Variants in ROR1 observed in about 807,000 individuals in gnomAD.
ROR1 encodes inactive tyrosine-protein kinase transmembrane receptor ROR1.
ROR1 carries 19 observed loss-of-function variants against 78.8 expected under a neutral mutation model. That is an observed-to-expected ratio of 0.24 (90% confidence interval 0.17 to 0.35). The LOEUF (loss-of-function observed/expected upper bound fraction) is 0.35. Ranked by LOEUF, ROR1 falls within the 10% of genes least tolerant of loss-of-function variation. The pLI is 1.00. For missense variants in ROR1, 917 were observed against 1,177.8 expected, an observed-to-expected ratio of 0.78 and a Z score of 3.24; for synonymous variants, 386 against 433.6, an observed-to-expected ratio of 0.89 and a Z score of 1.36.
rs1444918893 is a variant in ROR1 at position 64,178,197 on chromosome 1, C to A, written c.2156C>A (p.Pro719His). 6.2e-7 allele frequency: 1 copy of A among 1,614,156 alleles called. No homozygotes were observed. The highest frequency in any genetic ancestry group is 1.3e-5 in the African/African-American group (1 of 75,034). The change falls in exon 9 of 9, where the codon CCC (proline) becomes CAC (histidine). Residue 719 changes from proline to histidine, a missense_variant. Transcript: ENST00000371079. This position sits in a 1 kb window ranked among gnomAD's most constrained non-coding sequence, Gnocchi z 4.3. ...QLLPCSEDCP[P>H]RMYSLMTECW... Reference sequence around the variant, plus strand: ...TTACCATGCTCTGAAGACTGCCCACCCAGAATGTACAGCCTCATGACAGAG... The same window carrying A: ...TTACCATGCTCTGAAGACTGCCCACACAGAATGTACAGCCTCATGACAGAG...
At chr1:63,810,256 C>A (rs576323749) in intron 1 of ROR1, among the ~76,000 whole-genome samples, 1 of 152,324 alleles carries the variant, frequency 6.6e-6, no homozygotes, top group South Asian at 2.1e-4. Context: ...TCTTGGGAAA[C>A]AGCCAGAGGA....
intron 4 of ROR1, among the ~76,000 whole-genome samples, chr1:64,134,039 A>G (rs953616514): frequency 1.4e-4 from 21 of 152,212 alleles, no homozygotes; most frequent in African/African-American, 3.9e-4. Flanking sequence ...TAAGCAGTGC[A>G]AAAACTCCAT....
chr1:64,092,086 G>A (rs1222609115), intron 4 of ROR1, among the ~76,000 whole-genome samples: 4 of 147,420 alleles, frequency 2.7e-5, no homozygotes, highest in African/African-American at 5.1e-5. Flanking sequence ...GAGCTGAGAT[G>A]TAATTCTTCC....
At chr1:64,128,806 C>A (rs558334662) in intron 4 of ROR1, among the ~76,000 whole-genome samples, 1 of 151,744 alleles carries the variant, frequency 6.6e-6, no homozygotes, top group Admixed American at 6.6e-5. Flanking sequence ...AAGTAAGTGT[C>A]GGGGGGAAGT....
At chr1:63,970,516 T>C (rs1646111030) in intron 1 of ROR1, among the ~76,000 whole-genome samples, 1 of 152,144 alleles carries the variant, frequency 6.6e-6, no homozygotes. Context: ...CTTGCTTCCT[T>C]TAGGAAGCTC....
chr1:63,940,678 A>G (rs983605805), intron 1 of ROR1, among the ~76,000 whole-genome samples: 1 of 152,214 alleles, frequency 6.6e-6, no homozygotes, highest in Non-Finnish European at 1.5e-5. Context: ...GGCAAAAATC[A>G]TCAATGGATG....
At chr1:63,978,097 G>A (rs908516593) in intron 1 of ROR1, among the ~76,000 whole-genome samples, 4 of 152,114 alleles carry the variant, frequency 2.6e-5, no homozygotes, top group African/African-American at 2.4e-5. Context: ...CATGGCGGGT[G>A]CACACTAGAG....
chr1:64,163,091 A>T (rs544841684), intron 8 of ROR1, among the ~76,000 whole-genome samples: 6 of 152,184 alleles, frequency 3.9e-5, no homozygotes, highest in Admixed American at 3.9e-4. Flanking sequence ...AGGTTAAAAG[A>T]TGGAGGAGTC....
intron 4 of ROR1, among the ~76,000 whole-genome samples, chr1:64,129,062 G>A (rs1291030333): frequency 1.3e-5 from 2 of 152,190 alleles, no homozygotes; most frequent in Non-Finnish European, 2.9e-5. Flanking sequence ...CTTTGGGTGG[G>A]TGCTGGAGTT....
chr1:63,975,009 C>T (rs1009611732), intron 1 of ROR1, among the ~76,000 whole-genome samples: 2 of 152,166 alleles, frequency 1.3e-5, no homozygotes, highest in East Asian at 1.9e-4. Flanking sequence ...TTTCTCCCAA[C>T]GTCTTTGTAT....
intron 1 of ROR1, among the ~76,000 whole-genome samples, chr1:63,954,733 G>A (rs779838314): frequency 6.6e-6 from 1 of 152,138 alleles, no homozygotes; most frequent in Non-Finnish European, 1.5e-5. Context: ...TGTATTATAA[G>A]TAACCTGGAG....
At chr1:63,808,814 C>T (rs1333594597) in intron 1 of ROR1, among the ~76,000 whole-genome samples, 1 of 150,208 alleles carries the variant, frequency 6.7e-6, no homozygotes, top group Non-Finnish European at 1.5e-5. Flanking sequence ...TCAGCAGTCA[C>T]ATATAAGAAA....
chr1:64,165,794 T>C (rs990344927), intron 8 of ROR1, among the ~76,000 whole-genome samples: 1 of 140,080 alleles, frequency 7.1e-6, no homozygotes, highest in African/African-American at 2.6e-5. Context: ...AACCTCCACC[T>C]CCTGGGTTTA....
At chr1:63,780,025 C>T (rs1022344727) in intron 1 of ROR1, among the ~76,000 whole-genome samples, 6 of 152,304 alleles carry the variant, frequency 3.9e-5, no homozygotes, top group Admixed American at 3.3e-4. Context: ...TATAAAAAGG[C>T]TCTGCTTAAC....
intron 1 of ROR1, among the ~76,000 whole-genome samples, chr1:63,960,773 C>T (rs1276378800): frequency 6.6e-6 from 1 of 151,916 alleles, no homozygotes; most frequent in African/African-American, 2.4e-5. Flanking sequence ...TTTCATTTTT[C>T]TAAAAAAATA....
intron 1 of ROR1, among the ~76,000 whole-genome samples, chr1:63,964,101 T>G (rs1282064514): frequency 6.6e-6 from 1 of 152,224 alleles, no homozygotes; most frequent in East Asian, 1.9e-4. Flanking sequence ...ACAGCTACTC[T>G]GTAAGATATG....
chr1:63,814,436 G>A (rs544876377), intron 1 of ROR1, among the ~76,000 whole-genome samples: 2 of 152,166 alleles, frequency 1.3e-5, no homozygotes, highest in Non-Finnish European at 2.9e-5. Context: ...GATGGGGTGG[G>A]GGTGGTGGTT....
intron 4 of ROR1, among the ~76,000 whole-genome samples, chr1:64,082,943 C>T (rs1647116214): frequency 1.3e-5 from 2 of 152,174 alleles, no homozygotes; most frequent in Admixed American, 1.3e-4. Context: ...ATCTGCTTTC[C>T]AGAGGACCAG....
intron 4 of ROR1, among the ~76,000 whole-genome samples, chr1:64,097,941 C>T (rs1389756886): frequency 6.6e-6 from 1 of 152,116 alleles, no homozygotes; most frequent in African/African-American, 2.4e-5. Context: ...AGTCCATGGA[C>T]AAATTTATGC....
Sources: allele counts gnomAD v4.1 joint callset (sites outside exome capture counted in the v4.1 genomes callset), GRCh38; gene constraint gnomAD v4.1.1; non-coding constraint Gnocchi (gnomAD v3.1); transcripts MANE v1.5; gene names NCBI Gene and HGNC (gene_info 2026-07-23, HGNC 2026-07-21).